NAALADL2: variants seen among roughly 807,000 people sequenced by gnomAD.
The protein encoded by NAALADL2 is inactive N-acetylated-alpha-linked acidic dipeptidase-like protein 2.
Under a neutral mutation model 87.2 loss-of-function variants are expected in NAALADL2, and 76 were observed. The ratio of observed to expected loss-of-function variants is 0.87; its 90% CI spans 0.72 to 1.05. NAALADL2 has a LOEUF of 1.05. Among genes scored for constraint, NAALADL2 ranks in the 50% least tolerant of loss-of-function variants. NAALADL2 has a pLI of 0.00. For missense variants in NAALADL2, 1,089 were observed against 945.8 expected, an observed-to-expected ratio of 1.15 and a Z score of -1.99; for synonymous variants, 354 against 331.0, an observed-to-expected ratio of 1.07 and a Z score of -0.75.
intron 2 of NAALADL2, among the ~76,000 whole-genome samples, 151 bp downstream of exon 2, chr3:175,097,442 G>T (rs986352302): frequency 1.7e-4 from 26 of 152,054 alleles, no homozygotes; most frequent in Non-Finnish European, 1.2e-4. Flanking sequence ...TTCAAAGAGG[G>T]GAGCGCACAT....
intron 4 of NAALADL2, among the ~76,000 whole-genome samples, chr3:175,289,260 C>T (rs779519331): frequency 2.0e-5 from 3 of 152,020 alleles, no homozygotes; most frequent in African/African-American, 7.2e-5. Context: ...TTAAGGTTTA[C>T]GTGAGTATGT....
At chr3:174,881,198 T>G (rs999017835) in intron 1 of NAALADL2, among the ~76,000 whole-genome samples, 2 of 152,128 alleles carry the variant, frequency 1.3e-5, no homozygotes, top group African/African-American at 4.8e-5. Context: ...AACCATATCA[T>G]TAAGCTTAGC....
At chr3:174,591,552 T>C (rs987890732) in intron 2 of NAALADL2, among the ~76,000 whole-genome samples, 9 of 152,128 alleles carry the variant, frequency 5.9e-5, no homozygotes, top group African/African-American at 2.2e-4. Flanking sequence ...ATCTTTCTTA[T>C]AAGGGAAGCT....
At chr3:174,592,316 T>C (rs910748694) in intron 2 of NAALADL2, among the ~76,000 whole-genome samples, 20 of 152,174 alleles carry the variant, frequency 1.3e-4, no homozygotes, top group African/African-American at 4.6e-4. Flanking sequence ...GTTACATATG[T>C]ATCTAAACAT....
chr3:174,594,789 A>G (rs964990223), intron 2 of NAALADL2, among the ~76,000 whole-genome samples: 27 of 152,216 alleles, frequency 1.8e-4, no homozygotes, highest in African/African-American at 5.8e-4. Flanking sequence ...GATGATTTCA[A>G]TGATAAGGGG....
intron 2 of NAALADL2, among the ~76,000 whole-genome samples, chr3:175,116,973 C>G (rs1725321108): frequency 4.6e-5 from 7 of 152,074 alleles, no homozygotes; most frequent in Admixed American, 4.6e-4. Flanking sequence ...CTACAACCAT[C>G]TGATATTTGA....
At chr3:175,251,234 A>T (rs1327697394) in intron 3 of NAALADL2, among the ~76,000 whole-genome samples, 1 of 152,144 alleles carries the variant, frequency 6.6e-6, no homozygotes, top group Non-Finnish European at 1.5e-5. Context: ...TCCTTTTTTA[A>T]CATAGAATAA....
chr3:175,141,620 C>A (rs376242780), intron 2 of NAALADL2, among the ~76,000 whole-genome samples: 428 of 152,114 alleles, frequency 2.8e-3, no homozygotes, highest in African/African-American at 9.6e-3. Context: ...GAAAGTACAG[C>A]AAAGCTGCCA....
At chr3:175,423,503 G>A (rs768535257) in intron 5 of NAALADL2, among the ~76,000 whole-genome samples, 1 of 146,604 alleles carries the variant, frequency 6.8e-6, no homozygotes, top group East Asian at 2.0e-4. Context: ...ACCTATGAGC[G>A]AGAACATGCG....
At chr3:175,630,182 T>C (rs970091718) in intron 11 of NAALADL2, among the ~76,000 whole-genome samples, 1 of 151,762 alleles carries the variant, frequency 6.6e-6, no homozygotes, top group Non-Finnish European at 1.5e-5. Context: ...TGAGAAACCA[T>C]AAAATGAAGT....
At chr3:175,286,667 T>C (rs1238364065) in intron 4 of NAALADL2, among the ~76,000 whole-genome samples, 1 of 152,214 alleles carries the variant, frequency 6.6e-6, no homozygotes, top group East Asian at 1.9e-4. Context: ...CTTTTATTTT[T>C]ATGGCTTTTT....
At chr3:174,573,331 A>G (rs1186518621) in intron 2 of NAALADL2, among the ~76,000 whole-genome samples, 2 of 152,040 alleles carry the variant, frequency 1.3e-5, no homozygotes, top group African/African-American at 2.4e-5. Flanking sequence ...ACAGTGGCAC[A>G]GTCATAGCTC....
chr3:175,204,859 A>G (rs13089570), intron 2 of NAALADL2, among the ~76,000 whole-genome samples: 1 of 152,014 alleles, frequency 6.6e-6, no homozygotes, highest in African/African-American at 2.4e-5. Context: ...TGCAAAAAAT[A>G]ATAATAATAA....
At chr3:175,728,519 G>C (rs1479044894) in intron 11 of NAALADL2, among the ~76,000 whole-genome samples, 1 of 152,078 alleles carries the variant, frequency 6.6e-6, no homozygotes, top group African/African-American at 2.4e-5. Context: ...TCATCTTCAG[G>C]AAACTCCCTC....
chr3:174,542,987 G>A (rs1028183168), intron 1 of NAALADL2, among the ~76,000 whole-genome samples: 1 of 152,144 alleles, frequency 6.6e-6, no homozygotes, highest in African/African-American at 2.4e-5. Context: ...GAATTTGGGT[G>A]GCTGAGCAGT....
At chr3:175,148,818 A>G (rs1731147203) in intron 2 of NAALADL2, among the ~76,000 whole-genome samples, 2 of 152,114 alleles carry the variant, frequency 1.3e-5, no homozygotes, top group African/African-American at 4.8e-5. Context: ...TTTTTGTACC[A>G]GTACCATTCT....
chr3:175,008,731 T>C (rs1749383314), intron 1 of NAALADL2, among the ~76,000 whole-genome samples: 1 of 152,088 alleles, frequency 6.6e-6, no homozygotes, highest in African/African-American at 2.4e-5. Context: ...CGTTATAGGG[T>C]AAGGCAGGTT....
chr3:175,127,710 T>A (rs949010060), intron 2 of NAALADL2, among the ~76,000 whole-genome samples: 4 of 152,124 alleles, frequency 2.6e-5, no homozygotes, highest in African/African-American at 9.7e-5. Flanking sequence ...TTCATACTGT[T>A]TTCAATATAA....
chr3:175,485,089 C>T (rs1010756660), intron 9 of NAALADL2, among the ~76,000 whole-genome samples: 1 of 152,068 alleles, frequency 6.6e-6, no homozygotes, highest in Non-Finnish European at 1.5e-5. Flanking sequence ...CTTTGTAATA[C>T]CTTGACTATT....
Sources: allele counts gnomAD v4.1 joint callset (sites outside exome capture counted in the v4.1 genomes callset), GRCh38; gene constraint gnomAD v4.1.1; transcripts MANE v1.5; gene names NCBI Gene and HGNC (gene_info 2026-07-23, HGNC 2026-07-21).